Variants in MALRD1 observed in about 807,000 individuals in gnomAD.
The protein encoded by MALRD1 is MAM and LDL receptor class A domain containing 1.
A neutral mutation model predicts 242.1 loss-of-function variants in MALRD1; 247 were observed. The ratio of observed to expected loss-of-function variants is 1.02; its 90% CI spans 0.92 to 1.13. MALRD1 has a LOEUF of 1.13. Ranked by LOEUF, MALRD1 falls within the 50% of genes most tolerant of loss-of-function variation. MALRD1 has a pLI of 0.00. For synonymous variants in MALRD1, 995 were observed against 866.6 expected, an observed-to-expected ratio of 1.15 and a Z score of -2.60; for missense variants, 2,989 against 2,533.1, an observed-to-expected ratio of 1.18 and a Z score of -3.86.
chr10:19,519,320 A>G (rs1000042302), intron 31 of MALRD1, among the ~76,000 whole-genome samples: 2 of 152,080 alleles, frequency 1.3e-5, no homozygotes, highest in African/African-American at 2.4e-5. Context: ...CTATTATGCC[A>G]CCAAAACATA....
At chr10:19,595,594 T>C (rs980098499) in intron 34 of MALRD1, 137 bp downstream of exon 34, 2 of 1,090,328 alleles carry the variant, frequency 1.8e-6, no homozygotes, top group Non-Finnish European at 2.5e-6. Flanking sequence ...TTCAGTGTTA[T>C]GTTGCAAAAC....
intron 24 of MALRD1, among the ~76,000 whole-genome samples, chr10:19,338,101 T>A (rs568626163): frequency 6.6e-5 from 10 of 152,048 alleles, no homozygotes; most frequent in African/African-American, 2.2e-4. Flanking sequence ...TACTCCTTCT[T>A]TCCATATACC....
intron 35 of MALRD1, among the ~76,000 whole-genome samples, chr10:19,612,728 A>G (rs1341138038): frequency 3.3e-5 from 5 of 152,050 alleles, no homozygotes; most frequent in Admixed American, 2.6e-4. Flanking sequence ...AAGCAAGCAC[A>G]TATTCACTTG....
chr10:19,543,429 A>ATTTTTTTTTTTT (rs1364193801), intron 32 of MALRD1, among the ~76,000 whole-genome samples: 15 of 43,856 alleles, frequency 3.4e-4, no homozygotes, highest in East Asian at 6.1e-4. Context: ...TGCCCAGCTG[A>ATTTTTTTTTTTT]TTTCTTTTTT....
At chr10:19,306,567 A>G (rs1418207540) in intron 21 of MALRD1, among the ~76,000 whole-genome samples, 1 of 148,632 alleles carries the variant, frequency 6.7e-6, no homozygotes, top group African/African-American at 2.5e-5. Flanking sequence ...ATGGTAGTAT[A>G]TATATACCTT....
chr10:19,396,585 G>T (rs141110042), intron 28 of MALRD1, among the ~76,000 whole-genome samples: 1 of 152,180 alleles, frequency 6.6e-6, no homozygotes, highest in African/African-American at 2.4e-5. Flanking sequence ...GAATAATCAG[G>T]ATTAAAAAAC....
At chr10:19,264,743 A>G (rs909345116) in intron 19 of MALRD1, among the ~76,000 whole-genome samples, 7 of 151,872 alleles carry the variant, frequency 4.6e-5, no homozygotes, top group African/African-American at 1.7e-4. Context: ...GTGAGCCACC[A>G]CGCCCAGCCC....
intron 2 of MALRD1, among the ~76,000 whole-genome samples, chr10:19,078,677 G>C (rs529779396): frequency 9.9e-5 from 15 of 151,854 alleles, no homozygotes; most frequent in African/African-American, 3.6e-4. Flanking sequence ...AAAGATTTTT[G>C]ATTACTGATT....
intron 10 of MALRD1, among the ~76,000 whole-genome samples, chr10:19,137,801 T>C (rs1389401240): frequency 1.3e-5 from 2 of 152,172 alleles, no homozygotes; most frequent in Non-Finnish European, 1.5e-5. Context: ...ATCCACAGGA[T>C]GATTCTCATA....
At chr10:19,128,991 T>C (rs969999521) in intron 8 of MALRD1, among the ~76,000 whole-genome samples, 2 of 152,122 alleles carry the variant, frequency 1.3e-5, no homozygotes, top group Admixed American at 6.6e-5. Flanking sequence ...CCCTGCTTTT[T>C]CTACTCTTAC....
intron 24 of MALRD1, among the ~76,000 whole-genome samples, chr10:19,332,176 T>G: frequency 6.6e-6 from 1 of 151,020 alleles, no homozygotes; most frequent in South Asian, 2.1e-4. Context: ...AAATAAATGT[T>G]GTTTTTTTTT....
chr10:19,507,285 T>C (rs913919115), intron 31 of MALRD1, among the ~76,000 whole-genome samples: 4 of 152,158 alleles, frequency 2.6e-5, no homozygotes, highest in African/African-American at 9.7e-5. Flanking sequence ...TTGAAATGGT[T>C]AAAGCTGGGT....
chr10:19,229,589 A>T (rs1409033148), intron 18 of MALRD1, among the ~76,000 whole-genome samples: 1 of 152,108 alleles, frequency 6.6e-6, no homozygotes, highest in Non-Finnish European at 1.5e-5. Flanking sequence ...TCTCTCGTTT[A>T]GTCGCTTCCA....
intron 18 of MALRD1, among the ~76,000 whole-genome samples, chr10:19,229,331 G>T (rs1837947301): frequency 1.3e-5 from 2 of 151,954 alleles, no homozygotes; most frequent in South Asian, 2.1e-4. Flanking sequence ...TACACCAAAA[G>T]AAATTATCAC....
At chr10:19,660,466 T>C (rs1328839605) in intron 36 of MALRD1, among the ~76,000 whole-genome samples, 1 of 152,152 alleles carries the variant, frequency 6.6e-6, no homozygotes, top group African/African-American at 2.4e-5. Context: ...TGAGTCACTC[T>C]GTATGCATGA....
At chr10:19,701,748 C>A (rs1215527769) in intron 38 of MALRD1, among the ~76,000 whole-genome samples, 1 of 133,446 alleles carries the variant, frequency 7.5e-6, no homozygotes, top group Non-Finnish European at 1.6e-5. Flanking sequence ...CCTCCCCTCC[C>A]TTCCTCTCCC....
chr10:19,654,025 T>A (rs1245105799), intron 36 of MALRD1, among the ~76,000 whole-genome samples: 2 of 152,190 alleles, frequency 1.3e-5, no homozygotes, highest in Non-Finnish European at 2.9e-5. Context: ...ATTAATACAG[T>A]GAGTAGCTTC....
At chr10:19,612,289 G>A (rs1838936835) in intron 35 of MALRD1, among the ~76,000 whole-genome samples, 1 of 151,876 alleles carries the variant, frequency 6.6e-6, no homozygotes, top group African/African-American at 2.4e-5. Flanking sequence ...GTTCAGAGGA[G>A]CATGCCCCCC....
At chr10:19,666,384 A>G (rs2131745911) in intron 36 of MALRD1, among the ~76,000 whole-genome samples, 1 of 152,168 alleles carries the variant, frequency 6.6e-6, no homozygotes, top group South Asian at 2.1e-4. Context: ...TCCATTTCAG[A>G]TATCACTGTT....
Sources: gnomAD v4.1 joint callset for allele counts (sites outside exome capture counted in the v4.1 genomes callset) on GRCh38, gnomAD v4.1.1 for gene constraint, MANE v1.5 for transcripts, NCBI Gene and HGNC (gene_info 2026-07-23, HGNC 2026-07-21) for gene names.